Variants in PTPRN2 observed in about 807,000 individuals in gnomAD.
PTPRN2 encodes protein tyrosine phosphatase receptor type N2.
Under a neutral mutation model 118.8 loss-of-function variants are expected in PTPRN2, and 74 were observed. The observed-to-expected ratio is 0.62, with a 90% CI of 0.52 to 0.76. PTPRN2 has a LOEUF of 0.76. Among genes scored for constraint, PTPRN2 ranks in the 30% least tolerant of loss-of-function variants. The probability of loss-of-function intolerance (pLI) is 0.00; values close to 1 mark genes in which losing one functional copy is unlikely to be tolerated. For missense variants in PTPRN2, 1,481 were observed against 1,394.4 expected (o/e 1.06, Z -0.99); for synonymous variants, 641 against 608.0 (o/e 1.05, Z -0.80).
chr7:158,330,951 GTC>G lies in PTPRN2; in HGVS notation c.164-14021_164-14020del, dbSNP rs1371083818. On this transcript the variant is annotated intron_variant, in intron 2 of 22. Coordinates refer to ENST00000389418, the MANE Select transcript of PTPRN2 (RefSeq NM_002847.5). ...CACCCACACTCTCACGATAAGAGCTGTCACACGCAGACGACACTCACACCCAC... is the reference window on the plus strand; with the variant it reads ...CACCCACACTCTCACGATAAGAGCTGACACGCAGACGACACTCACACCCAC... 5.9e-4 allele frequency among the ~76,000 whole-genome samples: 64 copies of G among 108,530 alleles called. 5 individuals carry two copies. Among genetic ancestry groups the G allele is most frequent in the African/African-American group, 2.2e-3 (63 of 28,618 alleles). 71.2% of individuals were successfully genotyped at this position (108,530 alleles called of 152,430 possible).
At chr7:158,166,789 G>T in intron 6 of PTPRN2, 142 bp downstream of exon 6, 2 of 1,117,614 alleles carry the variant, frequency 1.8e-6, no homozygotes, top group African/African-American at 1.6e-5. Context: ...TTCCCTACAT[G>T]GTGCCCCATT....
At chr7:158,023,461 T>C (rs1472763790) in intron 11 of PTPRN2, among the ~76,000 whole-genome samples, 1 of 152,018 alleles carries the variant, frequency 6.6e-6, no homozygotes, top group Non-Finnish European at 1.5e-5. Flanking sequence ...CTAAAAAAAA[T>C]TTCTCTAATC....
intron 3 of PTPRN2, among the ~76,000 whole-genome samples, chr7:158,280,705 T>C (rs1341588811): frequency 6.6e-6 from 1 of 152,168 alleles, no homozygotes; most frequent in Non-Finnish European, 1.5e-5. Flanking sequence ...TAAACCCCTT[T>C]TTTGCTGAGG....
chr7:158,520,792 G>A (rs1823924217), intron 1 of PTPRN2, among the ~76,000 whole-genome samples: 1 of 152,174 alleles, frequency 6.6e-6, no homozygotes, highest in Admixed American at 6.5e-5. Context: ...CCTCAGCCAT[G>A]CCCAGCCAGG....
In PTPRN2 at chr7:157,596,818, G is replaced by A. The variant is rs1032589099; in HGVS notation, c.2419-1503C>T. Among the ~76,000 whole-genome samples the A allele has an allele frequency of 6.6e-6, 1 of 152,338 alleles. No homozygotes were observed. Among genetic ancestry groups the A allele is most frequent in the African/African-American group, 2.4e-5 (1 of 41,574 alleles). ...TAAAATGGACTCTTTTGCTATCAGG[G>A]TTTGATTCGAGATTTACAATGTTCA... On this transcript the variant is annotated intron_variant, in intron 16 of 22. Transcript: ENST00000389418. This position sits in a 1 kb window ranked among gnomAD's most constrained non-coding sequence, Gnocchi z 4.2.
chr7:158,407,207 GGTCCTGCGTCCTGC>G lies in PTPRN2; in HGVS notation c.163+82514_163+82527del, dbSNP rs1177574545. ...CCTGGGTCCTGGGTCCTGGGTCCTGGGTCCTGCGTCCTGCGTCCTGGGTCCTGGGTCCTGGGTCC... is the reference window on the plus strand; with the variant it reads ...CCTGGGTCCTGGGTCCTGGGTCCTGGGTCCTGGGTCCTGGGTCCTGGGTCC... On this transcript the variant is annotated intron_variant, in intron 2 of 22. Coordinates refer to ENST00000389418, the MANE Select transcript of PTPRN2 (RefSeq NM_002847.5). 9.0e-4 allele frequency among the ~76,000 whole-genome samples: 25 copies of G among 27,706 alleles called. 3 individuals carry two copies. Among genetic ancestry groups the G allele is most frequent in the Non-Finnish European group, 1.2e-3 (15 of 12,890 alleles). 18.2% of individuals were successfully genotyped at this position (27,706 alleles called of 152,430 possible).
At position 157,787,597 on chromosome 7, in the gene PTPRN2, A is replaced by G. The variant is rs1804148656; in HGVS notation, c.1789-104660T>C. Among the ~76,000 whole-genome samples the G allele has an allele frequency of 6.6e-6, 1 of 152,022 alleles. No homozygotes were observed. Among genetic ancestry groups the G allele is most frequent in the East Asian group, 1.9e-4 (1 of 5,138 alleles). ...GGCGACCCCACAGAGAGAGAGGCAG[A>G]GGAGAGTGGCCGTGACCTGGAGGAC... On this transcript the variant is annotated intron_variant, in intron 12 of 22. Coordinates refer to ENST00000389418, the MANE Select transcript of PTPRN2 (RefSeq NM_002847.5). The surrounding 1 kb of genome is among the most constrained non-coding windows in gnomAD (Gnocchi z 5.3).
At chr7:158,007,793 G>T (rs1022979629) in intron 11 of PTPRN2, among the ~76,000 whole-genome samples, 1 of 146,850 alleles carries the variant, frequency 6.8e-6, no homozygotes, top group Admixed American at 6.8e-5. Flanking sequence ...GCTGTGTGTG[G>T]GTGGGTGTGC....
At chr7:157,957,307 G>T (rs4317459) in intron 11 of PTPRN2, among the ~76,000 whole-genome samples, 1 of 152,084 alleles carries the variant, frequency 6.6e-6, no homozygotes, top group Non-Finnish European at 1.5e-5. Flanking sequence ...TAGGAGACAC[G>T]TATTTTTGGC....
chr7:158,586,833 G>A (rs1282615627), intron 1 of PTPRN2, among the ~76,000 whole-genome samples: 1 of 152,194 alleles, frequency 6.6e-6, no homozygotes, highest in African/African-American at 2.4e-5. Flanking sequence ...ACACGCGGCG[G>A]AACACGAGCG....
chr7:157,741,934 A>G (rs1317682188), intron 12 of PTPRN2, among the ~76,000 whole-genome samples: 1 of 152,242 alleles, frequency 6.6e-6, no homozygotes, highest in Non-Finnish European at 1.5e-5. Context: ...ATCAGATTGC[A>G]GAAGTTGTGT....
chr7:158,389,776 G>A (rs1489969376), intron 2 of PTPRN2, among the ~76,000 whole-genome samples: 3 of 152,242 alleles, frequency 2.0e-5, no homozygotes, highest in Non-Finnish European at 4.4e-5. Flanking sequence ...CTAAACGCAA[G>A]TTCTGTCCTT....
At chr7:157,738,420 G>A (rs1800428948) in intron 12 of PTPRN2, among the ~76,000 whole-genome samples, 1 of 152,186 alleles carries the variant, frequency 6.6e-6, no homozygotes, top group Non-Finnish European at 1.5e-5. Context: ...ACTCATGGAA[G>A]CATTTGGCAT....
intron 6 of PTPRN2, among the ~76,000 whole-genome samples, chr7:158,153,720 C>T (rs1435144214): frequency 1.3e-5 from 2 of 152,146 alleles, no homozygotes; most frequent in African/African-American, 2.4e-5. Flanking sequence ...ATGAGAAGCC[C>T]GTGGTGTGCT....
intron 11 of PTPRN2, among the ~76,000 whole-genome samples, chr7:157,927,575 C>T (rs1799097942): frequency 6.6e-6 from 1 of 150,436 alleles, no homozygotes; most frequent in African/African-American, 2.5e-5. Flanking sequence ...CAGGAAGCCC[C>T]AGGGACCCGT....
At chr7:158,477,991 G>C (rs1820385704) in intron 2 of PTPRN2, among the ~76,000 whole-genome samples, 1 of 152,238 alleles carries the variant, frequency 6.6e-6, no homozygotes, top group Admixed American at 6.5e-5. Context: ...CAGAGAAGGG[G>C]AGAGAGCGCT....
In PTPRN2 at chr7:157,813,821, G is replaced by T. The variant is rs149369696; in HGVS notation, c.1788+84852C>A. Among the ~76,000 whole-genome samples, 1 of 152,224 alleles carries T rather than the reference G, an allele frequency of 6.6e-6. No homozygotes were observed. Among genetic ancestry groups the T allele is most frequent in the Admixed American group, 6.5e-5 (1 of 15,282 alleles). On this transcript the variant is annotated intron_variant, in intron 12 of 22. Coordinates refer to ENST00000389418, the MANE Select transcript of PTPRN2 (RefSeq NM_002847.5). This position sits in a 1 kb window ranked among gnomAD's most constrained non-coding sequence, Gnocchi z 4.7. ...CCTGAGTCAGAATGGCCTGGAGCGC[G>T]GGTAAAACAGCTCGGGGCCAGCCAG...
At chr7:157,569,384 CGCTGGGCG>C (rs1382373601) in intron 20 of PTPRN2, among the ~76,000 whole-genome samples, 3 of 152,234 alleles carry the variant, frequency 2.0e-5, no homozygotes, top group Non-Finnish European at 4.4e-5. Flanking sequence ...GAGGGGAGGG[CGCTGGGCG>C]GCTGGGCCCC....
At chr7:157,782,705 G>C (rs1039478029) in intron 12 of PTPRN2, among the ~76,000 whole-genome samples, 1 of 152,212 alleles carries the variant, frequency 6.6e-6, no homozygotes, top group African/African-American at 2.4e-5. Context: ...CCCAAGAGAT[G>C]ATCACACAGC....
Sources: allele counts gnomAD v4.1 joint callset (sites outside exome capture counted in the v4.1 genomes callset), GRCh38; gene constraint gnomAD v4.1.1; non-coding constraint Gnocchi (gnomAD v3.1); transcripts MANE v1.5; gene names NCBI Gene and HGNC (gene_info 2026-07-23, HGNC 2026-07-21).